Variants in NCAM2 observed in about 807,000 individuals in gnomAD.
NCAM2 encodes neural cell adhesion molecule 2, also known as N-CAM-2.
A neutral mutation model predicts 98.1 loss-of-function variants in NCAM2; 30 were observed. The observed-to-expected ratio is 0.31, with a 90% CI of 0.23 to 0.41. The LOEUF is 0.41. NCAM2 is among the 10% of genes least tolerant of loss of function. The pLI, the probability that NCAM2 is intolerant of heterozygous loss-of-function variation, is 1.00. For missense variants in NCAM2, 867 were observed against 1,005.8 expected (o/e 0.86, Z 1.87); for synonymous variants, 368 against 342.4 (o/e 1.07, Z -0.83).
intron 1 of NCAM2, among the ~76,000 whole-genome samples, chr21:21,018,140 T>C (rs890695500): frequency 2.6e-5 from 4 of 152,246 alleles, no homozygotes; most frequent in Admixed American, 6.5e-5. Flanking sequence ...AATTAGCCAG[T>C]GTTTAATTTC....
At chr21:21,019,385 G>A (rs995178658) in intron 1 of NCAM2, among the ~76,000 whole-genome samples, 5 of 152,202 alleles carry the variant, frequency 3.3e-5, no homozygotes, top group Admixed American at 3.3e-4. Context: ...CCATGCCATA[G>A]GTTTTATGAT....
intron 1 of NCAM2, among the ~76,000 whole-genome samples, chr21:21,016,332 G>T (rs1217223716): frequency 6.6e-6 from 1 of 152,138 alleles, no homozygotes; most frequent in African/African-American, 2.4e-5. Context: ...GACAAAGAAT[G>T]CAAACAATAT....
Position 21,381,386 on chromosome 21 carries a change from G to GTT in NCAM2, c.1195+7380_1195+7381dup, listed in dbSNP as rs71195325. On this transcript the variant is annotated intron_variant, in intron 9 of 17. Transcript: ENST00000400546. ...GGCCTACAATTTTTATTTATATTCT[G>GTT]TTTTTTTTCCTATGTTTTTTTCACA... 9.3e-3 allele frequency among the ~76,000 whole-genome samples: 1,413 copies of GTT among 151,434 alleles called. 22 individuals are homozygous for GTT. Among genetic ancestry groups the GTT allele is most frequent in the African/African-American group, 0.032 (1,319 of 41,320 alleles).
intron 1 of NCAM2, among the ~76,000 whole-genome samples, chr21:21,020,539 A>G: frequency 6.6e-6 from 1 of 152,206 alleles, no homozygotes; most frequent in Non-Finnish European, 1.5e-5. Flanking sequence ...AGCATTTCAC[A>G]GCGTGACCAC....
intron 15 of NCAM2, among the ~76,000 whole-genome samples, chr21:21,496,721 T>C (rs1314789026): frequency 6.6e-6 from 1 of 152,160 alleles, no homozygotes; most frequent in Non-Finnish European, 1.5e-5. Flanking sequence ...TCTTAGGTTG[T>C]CGTCCAGGAT....
intron 1 of NCAM2, among the ~76,000 whole-genome samples, chr21:21,065,104 G>A (rs1381240203): frequency 2.6e-5 from 4 of 151,028 alleles, no homozygotes; most frequent in East Asian, 3.9e-4. Context: ...CGCTTGAACC[G>A]GGGAGGCGGA....
chr21:21,364,669 T>C (rs1227528422), intron 8 of NCAM2, among the ~76,000 whole-genome samples: 2 of 152,000 alleles, frequency 1.3e-5, no homozygotes, highest in African/African-American at 4.8e-5. Context: ...CATATACACA[T>C]ACATCTATAT....
At chr21:21,424,814 C>G (rs1364508743) in intron 11 of NCAM2, among the ~76,000 whole-genome samples, 1 of 151,728 alleles carries the variant, frequency 6.6e-6, no homozygotes, top group Non-Finnish European at 1.5e-5. Context: ...GGTGGATCAT[C>G]TAAGGTCAGG....
chr21:21,482,151 T>C (rs1259814119), intron 15 of NCAM2, among the ~76,000 whole-genome samples: 1 of 152,032 alleles, frequency 6.6e-6, no homozygotes, highest in Non-Finnish European at 1.5e-5. Context: ...GAATCCGGAT[T>C]GCTAAGGCCT....
intron 5 of NCAM2, among the ~76,000 whole-genome samples, chr21:21,316,349 T>C (rs2074218246): frequency 6.6e-6 from 1 of 152,148 alleles, no homozygotes; most frequent in Admixed American, 6.6e-5. Context: ...ACATGTGCCA[T>C]GTTGGTGTGC....
chr21:21,162,127 A>G (rs982295813), intron 1 of NCAM2, among the ~76,000 whole-genome samples: 1 of 152,102 alleles, frequency 6.6e-6, no homozygotes, highest in African/African-American at 2.4e-5. Context: ...ATATTCCCAT[A>G]TTTAATTCAC....
At chr21:21,398,297 G>C (rs1259715534) in intron 9 of NCAM2, among the ~76,000 whole-genome samples, 2 of 152,134 alleles carry the variant, frequency 1.3e-5, no homozygotes, top group African/African-American at 4.8e-5. Context: ...TAAAATATTA[G>C]ACACTGAGTA....
At chr21:21,503,581 G>A (rs1361972595) in intron 15 of NCAM2, among the ~76,000 whole-genome samples, 1 of 151,932 alleles carries the variant, frequency 6.6e-6, no homozygotes, top group East Asian at 1.9e-4. Flanking sequence ...TTGGACCACA[G>A]TTGACTATAG....
At chr21:21,372,321 A>G (rs936997187) in intron 8 of NCAM2, among the ~76,000 whole-genome samples, 5 of 151,834 alleles carry the variant, frequency 3.3e-5, no homozygotes, top group African/African-American at 1.2e-4. Context: ...CTAGAAGGGC[A>G]AAGAACATAA....
intron 1 of NCAM2, among the ~76,000 whole-genome samples, chr21:21,276,062 TC>T (rs1370804660): frequency 4.6e-5 from 7 of 152,254 alleles, no homozygotes; most frequent in African/African-American, 1.7e-4. Context: ...ATGCCCTTAT[TC>T]TTTTCTATCC....
intron 1 of NCAM2, among the ~76,000 whole-genome samples, chr21:21,115,330 A>G (rs1256404122): frequency 6.6e-6 from 1 of 152,190 alleles, no homozygotes; most frequent in Non-Finnish European, 1.5e-5. Context: ...CTAAGCCACC[A>G]TTTAGAATCC....
intron 15 of NCAM2, among the ~76,000 whole-genome samples, chr21:21,483,220 TAATTTTA>T (rs1224099140): frequency 1.3e-5 from 2 of 152,086 alleles, no homozygotes; most frequent in Non-Finnish European, 2.9e-5. Context: ...AAGACATGTC[TAATTTTA>T]ATATTGACTA....
intron 1 of NCAM2, among the ~76,000 whole-genome samples, chr21:21,159,047 T>A (rs1260327624): frequency 6.6e-6 from 1 of 152,156 alleles, no homozygotes. Flanking sequence ...GTGATATTGA[T>A]GATCCTCTCA....
intron 9 of NCAM2, among the ~76,000 whole-genome samples, chr21:21,383,614 T>G (rs2076204778): frequency 6.6e-6 from 1 of 152,168 alleles, no homozygotes; most frequent in African/African-American, 2.4e-5. Context: ...TTATTTCATA[T>G]TATTTTCAGA....
Sources: allele counts gnomAD v4.1 joint callset (sites outside exome capture counted in the v4.1 genomes callset), GRCh38; gene constraint gnomAD v4.1.1; transcripts MANE v1.5; gene names NCBI Gene and HGNC (gene_info 2026-07-23, HGNC 2026-07-21).